The following NEBL variants were observed in gnomAD, a reference collection of about 807,000 sequenced individuals.
NEBL encodes nebulette.
In NEBL, 122 loss-of-function variants were observed where a neutral mutation model predicts 140.2. The observed-to-expected ratio is 0.87, with a 90% confidence interval of 0.75 to 1.01. The LOEUF (loss-of-function observed/expected upper bound fraction) is 1.01, where lower values mean the gene tolerates loss of function less well. Ranked by LOEUF, NEBL falls within the 50% of genes least tolerant of loss-of-function variation. The pLI is 0.00. For missense variants in NEBL, 1,365 were observed against 1,231.3 expected (o/e 1.11, Z -1.62); for synonymous variants, 436 against 398.9 (o/e 1.09, Z -1.11).
chr10:20,805,768 G>A lies in NEBL; in HGVS notation c.2761+2742C>T, dbSNP rs148868526. Among the ~76,000 whole-genome samples the A allele has an allele frequency of 9.9e-4, 150 of 151,996 alleles. 2 individuals carry two copies. The East Asian group carries it at 0.026, about 26-fold the overall frequency. ...CTCAGGAGGCTGACGCAGGAGAACC[G>A]TTTGAACCTGGGAGGCAGAGGTTGC... On this transcript the variant is annotated intron_variant, in intron 26 of 27. Coordinates refer to ENST00000377122, the MANE Select transcript of NEBL (RefSeq NM_006393.3).
chr10:21,172,614 G>A (rs963327140), intron 1 of NEBL: 3 of 683,830 alleles, frequency 4.4e-6, no homozygotes, highest in African/African-American at 1.8e-5. Flanking sequence ...TAGGGAACTG[G>A]GGATGTGTTT....
intron 4 of NEBL, among the ~76,000 whole-genome samples, chr10:20,910,266 A>G (rs1311699451): frequency 6.6e-6 from 1 of 152,240 alleles, no homozygotes; most frequent in Admixed American, 6.5e-5. Flanking sequence ...ATATGTTATC[A>G]TGGCTCTGAC....
At chr10:21,153,841 T>C (rs1243683730) in intron 2 of NEBL, among the ~76,000 whole-genome samples, 1 of 152,122 alleles carries the variant, frequency 6.6e-6, no homozygotes, top group African/African-American at 2.4e-5. Flanking sequence ...AATAAAAGTA[T>C]ATACGGAAAT....
intron 3 of NEBL, among the ~76,000 whole-genome samples, chr10:20,979,497 G>C (rs377262453): frequency 6.6e-6 from 1 of 151,972 alleles, no homozygotes; most frequent in African/African-American, 2.4e-5. Flanking sequence ...TGTTTTACTC[G>C]TATAATTCTC....
At chr10:21,267,312 C>T (rs1842808481) in intron 1 of NEBL, among the ~76,000 whole-genome samples, 1 of 151,856 alleles carries the variant, frequency 6.6e-6, no homozygotes, top group Admixed American at 6.6e-5. Context: ...CAGGGTTTTG[C>T]CATGTTGGCC....
chr10:21,075,256 C>T (rs1836011867), intron 2 of NEBL, among the ~76,000 whole-genome samples: 1 of 152,164 alleles, frequency 6.6e-6, no homozygotes, highest in African/African-American at 2.4e-5. Flanking sequence ...CCCAGCAAGC[C>T]AACATTTAAA....
chr10:21,283,737 A>G (rs985606064), intron 1 of NEBL, among the ~76,000 whole-genome samples: 1 of 152,168 alleles, frequency 6.6e-6, no homozygotes, highest in African/African-American at 2.4e-5. Context: ...AGACTACAAA[A>G]TTTCAGCTTC....
chr10:20,886,141 T>C (rs1427423258), intron 4 of NEBL, among the ~76,000 whole-genome samples: 1 of 152,210 alleles, frequency 6.6e-6, no homozygotes, highest in African/African-American at 2.4e-5. Flanking sequence ...TTTACCTATG[T>C]AACAAATCTG....
intron 2 of NEBL, among the ~76,000 whole-genome samples, chr10:21,041,636 C>G (rs906178558): frequency 1.3e-5 from 2 of 152,068 alleles, no homozygotes; most frequent in African/African-American, 4.8e-5. Flanking sequence ...GGCATTCCCT[C>G]TACTCTTTTT....
chr10:20,898,444 A>T (rs1455348390), upstream of NEBL, among the ~76,000 whole-genome samples: 1 of 21,552 alleles, frequency 4.6e-5, no homozygotes. Flanking sequence ...AATGTACTGT[A>T]AAAAAAAAAT....
In NEBL at chr10:20,936,763, A is replaced by G. The variant is rs76262755; in HGVS notation, c.357+24909T>C. On this transcript the variant is annotated intron_variant, in intron 4 of 6. Transcript: ENST00000417816. ...AGTTTAATTTCTGCCTGTTCTAATT[A>G]TTGCCTTTTCTGACCTTGCAAATGA... 2.1e-4 allele frequency among the ~76,000 whole-genome samples: 32 copies of G among 152,316 alleles called. No individual in the cohort carries two copies. The East Asian group carries it at 5.2e-3, about 25-fold the overall frequency.
At chr10:20,941,523 C>G (rs2131568540) in intron 4 of NEBL, among the ~76,000 whole-genome samples, 1 of 152,012 alleles carries the variant, frequency 6.6e-6, no homozygotes, top group South Asian at 2.1e-4. Flanking sequence ...AAAACTGGCA[C>G]AAGACAGGGA....
chr10:21,143,110 T>C (rs1839720123), intron 2 of NEBL, among the ~76,000 whole-genome samples: 1 of 152,154 alleles, frequency 6.6e-6, no homozygotes, highest in Admixed American at 6.5e-5. Flanking sequence ...AATGTGAATG[T>C]AGAAAAAGAG....
chr10:21,274,366 G>T (rs973249126), intron 1 of NEBL, among the ~76,000 whole-genome samples: 1 of 152,146 alleles, frequency 6.6e-6, no homozygotes, highest in African/African-American at 2.4e-5. Flanking sequence ...TCACATAGTC[G>T]ATTAACACAT....
intron 4 of NEBL, among the ~76,000 whole-genome samples, chr10:20,927,404 G>A (rs1169856829): frequency 6.6e-6 from 1 of 152,184 alleles, no homozygotes; most frequent in Non-Finnish European, 1.5e-5. Context: ...TTTGGTTCTT[G>A]TAGATCTACT....
At chr10:21,263,743 T>A (rs1347458143) in intron 1 of NEBL, among the ~76,000 whole-genome samples, 1 of 152,122 alleles carries the variant, frequency 6.6e-6, no homozygotes, top group Non-Finnish European at 1.5e-5. Context: ...GGCAGGCGGA[T>A]CACCTGAGGT....
chr10:21,215,161 T>C (rs1297698366), intron 3 of NEBL, among the ~76,000 whole-genome samples: 2 of 152,204 alleles, frequency 1.3e-5, no homozygotes, highest in Admixed American at 6.5e-5. Context: ...TTTGCACAAA[T>C]TAGTGGCATG....
At chr10:20,833,741 G>A (rs934566242) in intron 14 of NEBL, among the ~76,000 whole-genome samples, 1 of 150,412 alleles carries the variant, frequency 6.6e-6, no homozygotes, top group African/African-American at 2.4e-5. Context: ...GGGCGACAGA[G>A]CGAGACTCCG....
At position 20,814,045 on chromosome 10, in the gene NEBL, T is replaced by C; in HGVS notation, c.2242-2A>G. ...TTTATGGTCCTGGGTATATTTTACC[T>C]GCAAAGTAAATAGTAGGCATAAGAC... On this transcript the variant is annotated splice_acceptor_variant, in intron 22 of 27. Coordinates refer to ENST00000377122, the MANE Select transcript of NEBL (RefSeq NM_006393.3). LOFTEE classifies it high-confidence loss of function. 1 of 1,558,462 alleles carries C rather than the reference T, an allele frequency of 6.4e-7. No individual in the cohort carries two copies. Among genetic ancestry groups the C allele is most frequent in the Non-Finnish European group, 8.9e-7 (1 of 1,129,560 alleles).
Sources: allele counts gnomAD v4.1 joint callset (sites outside exome capture counted in the v4.1 genomes callset), GRCh38; gene constraint gnomAD v4.1.1; transcripts MANE v1.5; gene names NCBI Gene and HGNC (gene_info 2026-07-23, HGNC 2026-07-21).